The following ITGB8 variants were observed in gnomAD, a reference collection of about 807,000 sequenced individuals.
ITGB8 encodes the protein integrin beta-8.
ITGB8 carries 30 observed loss-of-function variants against 89.5 expected under a neutral mutation model. The ratio of observed to expected loss-of-function variants is 0.34; its 90% CI spans 0.25 to 0.45. The LOEUF is 0.45. Among genes scored for constraint, ITGB8 ranks in the 20% least tolerant of loss-of-function variants. The probability of loss-of-function intolerance (pLI) is 1.00; values close to 1 mark genes in which losing one functional copy is unlikely to be tolerated. For synonymous variants in ITGB8, 335 were observed against 320.4 expected (o/e 1.05, Z -0.49); for missense variants, 836 against 933.3 (o/e 0.90, Z 1.36).
chr7:20,350,638 T>A (rs1166700652), intron 1 of ITGB8, among the ~76,000 whole-genome samples: 1 of 152,226 alleles, frequency 6.6e-6, no homozygotes, highest in African/African-American at 2.4e-5. Context: ...GGGGAACATT[T>A]TTCCTACATC....
chr7:20,406,258 A>G, intron 12 of ITGB8, 87 bp downstream of exon 12: 1 of 888,686 alleles, frequency 1.1e-6, no homozygotes. Context: ...ACCATGCTAA[A>G]GAAAGGACTG....
intron 6 of ITGB8, among the ~76,000 whole-genome samples, chr7:20,388,716 C>T (rs571224864): frequency 1.2e-4 from 18 of 151,914 alleles, no homozygotes; most frequent in South Asian, 2.1e-4. Flanking sequence ...ATACACGTGC[C>T]ATGGTGGTTT....
intron 8 of ITGB8, among the ~76,000 whole-genome samples, chr7:20,396,909 T>C (rs1583533670): frequency 6.6e-6 from 1 of 152,208 alleles, no homozygotes; most frequent in African/African-American, 2.4e-5. Flanking sequence ...GGAAAAATAA[T>C]ATTAAATCCA....
At chr7:20,380,617 T>C (rs1206206670) in intron 4 of ITGB8, 49 bp from the exon 5 acceptor site, 2 of 1,465,628 alleles carry the variant, frequency 1.4e-6, no homozygotes, top group African/African-American at 1.4e-5. Flanking sequence ...TATTCCAGAA[T>C]GCTTAAGAAG....
At chr7:20,369,820 C>T (rs1449196928) in intron 3 of ITGB8, among the ~76,000 whole-genome samples, 1 of 151,852 alleles carries the variant, frequency 6.6e-6, no homozygotes, top group Non-Finnish European at 1.5e-5. Context: ...TATTAAATAA[C>T]AGCAAGTTTC....
chr7:20,387,309 T>C (rs982816426), intron 6 of ITGB8, among the ~76,000 whole-genome samples: 9 of 152,206 alleles, frequency 5.9e-5, no homozygotes, highest in Admixed American at 3.3e-4. Context: ...CTTTAAGCTG[T>C]TTGACATGAA....
chr7:20,409,410 T>C (rs1702644167), intron 12 of ITGB8, among the ~76,000 whole-genome samples: 1 of 152,234 alleles, frequency 6.6e-6, no homozygotes, highest in African/African-American at 2.4e-5. Flanking sequence ...GGGTTTTCTA[T>C]TGAAAATATT....
At chr7:20,388,760 A>G (rs1286022706) in intron 6 of ITGB8, among the ~76,000 whole-genome samples, 1 of 151,900 alleles carries the variant, frequency 6.6e-6, no homozygotes, top group Admixed American at 6.6e-5. Flanking sequence ...TACATTAGGT[A>G]TTTCTCCTAA....
intron 4 of ITGB8, 157 bp from the exon 5 acceptor site, chr7:20,380,509 A>C (rs1446201514): frequency 1.3e-5 from 8 of 606,048 alleles, no homozygotes; most frequent in South Asian, 2.1e-5. Flanking sequence ...CATTGAGCTT[A>C]TCTCTAATTT....
chr7:20,370,146 CAGAGAACCAG>C (rs1171602960), intron 3 of ITGB8, among the ~76,000 whole-genome samples: 5 of 151,104 alleles, frequency 3.3e-5, no homozygotes, highest in Admixed American at 6.6e-5. Context: ...TGTATAAATC[CAGAGAACCAG>C]AGAGCTGGTT....
chr7:20,402,373 C>T (rs1296178235), intron 10 of ITGB8, among the ~76,000 whole-genome samples: 1 of 152,154 alleles, frequency 6.6e-6, no homozygotes, highest in Non-Finnish European at 1.5e-5. Flanking sequence ...TTGTTATTCT[C>T]ATGCTTTCCT....
intron 6 of ITGB8, among the ~76,000 whole-genome samples, chr7:20,388,362 G>C (rs1394742619): frequency 6.6e-6 from 1 of 152,208 alleles, no homozygotes; most frequent in Non-Finnish European, 1.5e-5. Context: ...GAACAGGAGA[G>C]TTGGCTGAGA....
chr7:20,385,334 G>A lies in ITGB8; in HGVS notation c.960+3449G>A, dbSNP rs565258043. On this transcript the variant is annotated intron_variant, in intron 6 of 13. Coordinates refer to ENST00000222573, the MANE Select transcript of ITGB8 (RefSeq NM_002214.3). Reference sequence around the variant, plus strand: ...AGATCCTACCACATTCCTATTGTATGTACTAGTGCATACCATATATTCACT... The same window carrying A: ...AGATCCTACCACATTCCTATTGTATATACTAGTGCATACCATATATTCACT... Among the ~76,000 whole-genome samples, 4 of 152,334 alleles carry A rather than the reference G, an allele frequency of 2.6e-5. No individual in the cohort carries two copies. In the South Asian group the frequency reaches 8.3e-4, roughly 32 times the overall value.
chr7:20,409,306 G>A (rs1787672795), intron 12 of ITGB8, among the ~76,000 whole-genome samples: 1 of 152,130 alleles, frequency 6.6e-6, no homozygotes, highest in Non-Finnish European at 1.5e-5. Context: ...CTTGGTTATG[G>A]GACATGGACA....
chr7:20,359,692 GGAGA>G (rs1451194959), intron 1 of ITGB8, among the ~76,000 whole-genome samples: 1 of 142,706 alleles, frequency 7.0e-6, no homozygotes, highest in Non-Finnish European at 1.6e-5. Flanking sequence ...TGTGTGTGTG[GGAGA>G]GAGAGAAGAA....
chr7:20,363,588 C>A, intron 1 of ITGB8, 49 bp from the exon 2 acceptor site: 1 of 1,118,478 alleles, frequency 8.9e-7, no homozygotes. Flanking sequence ...GAATTATATA[C>A]GCTTTCTATT....
In ITGB8 at chr7:20,331,627, G is replaced by C. The variant is rs1784397804; in HGVS notation, c.-180G>C. 1 of 627,102 alleles carries C rather than the reference G, an allele frequency of 1.6e-6. No homozygotes were observed. The highest frequency in any genetic ancestry group is 2.4e-6 in the Non-Finnish European group (1 of 409,416). The allele number at this position is 627,102 out of a possible 1,614,324, so 38.8% of individuals were successfully genotyped here. On this transcript the variant is annotated 5_prime_UTR_variant, in exon 1 of 14. Coordinates refer to ENST00000222573, the MANE Select transcript of ITGB8 (RefSeq NM_002214.3). ...AGGGCCGCAGGGGCCCTGAGATGCC[G>C]AGCGGTGCCCGGGCCCGCTTACCTG...
In ITGB8 at chr7:20,400,043, T is replaced by A. The variant is rs117439519; in HGVS notation, c.1281+1049T>A. Among the ~76,000 whole-genome samples, 975 of 152,312 alleles carry A rather than the reference T, an allele frequency of 6.4e-3. 7 individuals are homozygous for A. The highest frequency in any genetic ancestry group is 0.011 in the Non-Finnish European group (774 of 68,012). Reference sequence around the variant, plus strand: ...TGGATTTTGTTCAAAGGACATCATATACCAGTTTGCAAAATGCACTTTGGC... The same window carrying A: ...TGGATTTTGTTCAAAGGACATCATAAACCAGTTTGCAAAATGCACTTTGGC... On this transcript the variant is annotated intron_variant, in intron 9 of 13. Coordinates refer to ENST00000222573, the MANE Select transcript of ITGB8 (RefSeq NM_002214.3).
At chr7:20,342,452 C>T (rs1375151626) in intron 1 of ITGB8, among the ~76,000 whole-genome samples, 2 of 152,170 alleles carry the variant, frequency 1.3e-5, no homozygotes, top group Non-Finnish European at 2.9e-5. Context: ...CCTTTCTAGG[C>T]CTCTAAGGAT....
Sources: gnomAD v4.1 joint callset for allele counts (sites outside exome capture counted in the v4.1 genomes callset) on GRCh38, gnomAD v4.1.1 for gene constraint, MANE v1.5 for transcripts, NCBI Gene and HGNC (gene_info 2026-07-23, HGNC 2026-07-21) for gene names.